Variants in ZNF33B observed in about 807,000 individuals in gnomAD.
ZNF33B encodes the protein zinc finger protein 11b (KOX 2).
In ZNF33B, 29 loss-of-function variants were observed where a neutral mutation model predicts 45.8. The ratio of observed to expected loss-of-function variants is 0.63; its 90% CI spans 0.47 to 0.86. ZNF33B has a LOEUF of 0.86. Among genes scored for constraint, ZNF33B ranks in the 40% least tolerant of loss-of-function variants. ZNF33B has a pLI of 0.00. For missense variants in ZNF33B, 831 were observed against 909.9 expected, an observed-to-expected ratio of 0.91 and a Z score of 1.12; for synonymous variants, 305 against 307.8, an observed-to-expected ratio of 0.99 and a Z score of 0.10.
chr10:42,602,877 GAACA>G (rs1334579133), intron 4 of ZNF33B, among the ~76,000 whole-genome samples: 2 of 151,948 alleles, frequency 1.3e-5, no homozygotes, highest in East Asian at 3.9e-4. Flanking sequence ...GTACTTTGCT[GAACA>G]TTCATGGAGG....
chr10:42,605,093 T>C (rs1034847924), intron 4 of ZNF33B: 1 of 151,522 alleles, frequency 6.6e-6, no homozygotes, highest in African/African-American at 2.4e-5. Context: ...AATATATTCA[T>C]AATAGAAGTA....
At chr10:42,632,561 A>G in intron 2 of ZNF33B, 122 bp from the exon 3 acceptor site, 1 of 1,333,806 alleles carries the variant, frequency 7.5e-7, no homozygotes, top group Non-Finnish European at 1.0e-6. Flanking sequence ...TCATAACAGA[A>G]ATATTCTGCC....
In ZNF33B at chr10:42,591,420, G is replaced by C. The variant is rs545346825; in HGVS notation, c.*1193C>G. On this transcript the variant is annotated 3_prime_UTR_variant, in exon 5 of 5. Transcript: ENST00000359467. ...CAGGCCTAGATCTTCACACGTACAG[G>C]ATAGATTTTTTTTCAGATAATCTGT... The C allele has an allele frequency of 3.2e-4, 98 of 308,994 alleles. No individual in the cohort carries two copies. Among genetic ancestry groups the C allele is most frequent in the African/African-American group, 2.0e-3 (90 of 44,320 alleles). The allele number at this position is 308,994 out of a possible 1,614,324, so 19.1% of individuals were successfully genotyped here. A position where few individuals can be genotyped will look rare whatever the true frequency, so the allele number is the denominator to read the frequency against.
At chr10:42,633,240 T>C (rs1315282368) in intron 2 of ZNF33B, among the ~76,000 whole-genome samples, 1 of 152,194 alleles carries the variant, frequency 6.6e-6, no homozygotes, top group Non-Finnish European at 1.5e-5. Flanking sequence ...TGGAAAGATC[T>C]TGGAACTATT....
intron 4 of ZNF33B, among the ~76,000 whole-genome samples, chr10:42,605,966 C>T (rs1837828057): frequency 6.6e-6 from 1 of 151,870 alleles, no homozygotes; most frequent in Non-Finnish European, 1.5e-5. Context: ...GGCATAGTGG[C>T]ACACACCTAT....
chr10:42,636,967 A>C lies in ZNF33B; in HGVS notation c.-39T>G. The C allele has an allele frequency of 6.2e-7, 1 of 1,613,886 alleles. No individual in the cohort carries two copies. The highest frequency in any genetic ancestry group is 8.5e-7 in the Non-Finnish European group (1 of 1,179,900). ...TGGAAAGACGGAGACAACTCTGAAG[A>C]TACAGCTGAGTTGGAAAAAGAGGAA... is the stretch of plus-strand genomic sequence containing the variant. On this transcript the variant is annotated 5_prime_UTR_variant, in exon 2 of 5. It introduces an in-frame stop codon into an upstream open reading frame of the 5' UTR. Coordinates refer to ENST00000359467, the MANE Select transcript of ZNF33B (RefSeq NM_006955.3).
intron 4 of ZNF33B, among the ~76,000 whole-genome samples, chr10:42,619,939 T>A (rs1225178444): frequency 6.6e-6 from 1 of 151,614 alleles, no homozygotes; most frequent in Non-Finnish European, 1.5e-5. Context: ...TCAGGCCAGG[T>A]GTGGTCGGCT....
At chr10:42,633,026 T>G (rs965652183) in intron 2 of ZNF33B, 4 of 181,604 alleles carry the variant, frequency 2.2e-5, no homozygotes, top group African/African-American at 9.4e-5. Flanking sequence ...ATTTGATCAT[T>G]TACCATTTTC....
chr10:42,574,950 T>A (rs537570799), intron 1 of ZNF33B, among the ~76,000 whole-genome samples: 4 of 152,134 alleles, frequency 2.6e-5, no homozygotes, highest in Non-Finnish European at 5.9e-5. Flanking sequence ...TACATTACAG[T>A]TTATCATGGA....
Position 42,594,638 on chromosome 10 carries a change from C to A in ZNF33B, c.312G>T (p.Trp104Cys). The A allele has an allele frequency of 6.2e-7, 1 of 1,607,092 alleles. No homozygotes were observed. The highest frequency in any genetic ancestry group is 1.1e-5 in the South Asian group (1 of 89,264). ...TTTCATTATTGATGAATACAACTTC[C>A]CACAAATGTTTAGATTGATTTTCTT... ...RSQENQSKHLWEVVFINNEML... is the reference protein window; with the variant it reads ...RSQENQSKHLCEVVFINNEML... Residue 104 changes from tryptophan to cysteine, a missense_variant, in exon 5 of 5, where the codon TGG becomes TGT. Physicochemically the swap from Trp to Cys is radical, Grantham distance 215. Coordinates refer to ENST00000359467, the MANE Select transcript of ZNF33B (RefSeq NM_006955.3).
downstream of ZNF33B, among the ~76,000 whole-genome samples, chr10:42,587,634 T>C (rs909109360): frequency 1.3e-5 from 2 of 152,168 alleles, no homozygotes; most frequent in African/African-American, 4.8e-5. Context: ...GGTAATGTCA[T>C]ATATTCTGTG....
intron 4 of ZNF33B, among the ~76,000 whole-genome samples, chr10:42,620,438 T>C (rs1055477640): frequency 3.9e-5 from 6 of 152,126 alleles, no homozygotes; most frequent in African/African-American, 7.2e-5. Flanking sequence ...GGTCTTGCTC[T>C]GTCACCCAGG....
intron 1 of ZNF33B, 143 bp downstream of exon 1, chr10:42,638,331 G>A (rs1355540083): frequency 6.4e-6 from 2 of 310,448 alleles, no homozygotes; most frequent in East Asian, 9.4e-5. Context: ...CGTCCTGGTA[G>A]ACATGCTGCA....
chr10:42,631,916 C>A lies in ZNF33B; in HGVS notation c.250+13G>T. 6.2e-7 allele frequency: 1 copy of A among 1,607,242 alleles called. No individual in the cohort carries two copies. Among genetic ancestry groups the A allele is most frequent in the Non-Finnish European group, 8.5e-7 (1 of 1,173,684 alleles). On this transcript the variant is annotated intron_variant, in intron 4 of 4. Transcript: ENST00000359467. The stretch of plus-strand genomic sequence containing the variant: ...TCCCCTGATGTGAATCTGTGCAGTA[C>A]ATATTAACCCACCTGGAAAGCTCTG...
At chr10:42,634,335 A>C (rs919130120) in intron 2 of ZNF33B, among the ~76,000 whole-genome samples, 5 of 152,006 alleles carry the variant, frequency 3.3e-5, no homozygotes, top group African/African-American at 1.2e-4. Context: ...CGAACCCAGG[A>C]GGTGGAGGTT....
At chr10:42,632,120 G>A (rs1341197964) in intron 3 of ZNF33B, 96 bp from the exon 4 acceptor site, 1 of 1,502,780 alleles carries the variant, frequency 6.7e-7, no homozygotes, top group African/African-American at 1.4e-5. Flanking sequence ...CAAGTTGCCA[G>A]TGGAACATTT....
chr10:42,604,212 A>G (rs1259683055), intron 4 of ZNF33B, among the ~76,000 whole-genome samples: 3 of 152,162 alleles, frequency 2.0e-5, no homozygotes, highest in African/African-American at 4.8e-5. Flanking sequence ...TGGGAGGTTG[A>G]GGCAGGTGGA....
chr10:42,636,294 A>G (rs1229705346), intron 2 of ZNF33B, among the ~76,000 whole-genome samples: 2 of 152,188 alleles, frequency 1.3e-5, no homozygotes, highest in Non-Finnish European at 2.9e-5. Flanking sequence ...GTTATTCACT[A>G]TGGGTCCCTA....
rs748829793 is a variant in ZNF33B at position 42,594,085 on chromosome 10, T to C, written c.865A>G (p.Thr289Ala). 6 of 1,614,024 alleles carry C rather than the reference T, an allele frequency of 3.7e-6. No individual in the cohort carries two copies. Among genetic ancestry groups the C allele is most frequent in the Non-Finnish European group, 5.1e-6 (6 of 1,179,938 alleles). The change falls in exon 5 of 5, where the codon ACC (threonine) becomes GCC (alanine). Residue 289 changes from threonine (T) to alanine (A), a missense_variant. Physicochemically the swap from Thr to Ala is moderately conservative, Grantham distance 58 (BLOSUM62 0). Transcript: ENST00000359467. ...GGTACCCCATCATGTTTAGAAAGGGTGGACTTCACACATAAGAACTTCTCA... is the reference window on the plus strand; with the variant it reads ...GGTACCCCATCATGTTTAGAAAGGGCGGACTTCACACATAAGAACTTCTCA... ...DCEKFLCVKSTLSKHDGVPVK... is the reference protein window; with the variant it reads ...DCEKFLCVKSALSKHDGVPVK...
Sources: allele counts gnomAD v4.1 joint callset (sites outside exome capture counted in the v4.1 genomes callset), GRCh38; gene constraint gnomAD v4.1.1; transcripts MANE v1.5; gene names NCBI Gene and HGNC (gene_info 2026-07-23, HGNC 2026-07-21).